The following ZHX2 variants were observed in gnomAD, a reference collection of about 807,000 sequenced individuals.
The protein encoded by ZHX2 is zinc fingers and homeoboxes 2.
ZHX2 carries 6 observed loss-of-function variants against 21.9 expected under a neutral mutation model. The ratio of observed to expected loss-of-function variants is 0.27; its 90% CI spans 0.15 to 0.54. The LOEUF (loss-of-function observed/expected upper bound fraction) is 0.54. ZHX2 is among the 20% of genes least tolerant of loss of function. The pLI is 0.95. For synonymous variants in ZHX2, 434 were observed against 437.1 expected (o/e 0.99, Z 0.09); for missense variants, 908 against 1,090.7 (o/e 0.83, Z 2.36).
intron 2 of ZHX2, among the ~76,000 whole-genome samples, chr8:122,950,299 C>T (rs1422065799): frequency 6.6e-6 from 1 of 152,128 alleles, no homozygotes; most frequent in Non-Finnish European, 1.5e-5. Flanking sequence ...TGGAAGCCAT[C>T]ATTCTCAGCA....
chr8:122,843,379 G>A (rs74973702), intron 1 of ZHX2, among the ~76,000 whole-genome samples: 3,080 of 152,240 alleles, frequency 0.02, 94 homozygotes, highest in African/African-American at 0.07. Context: ...CTTGTCATCC[G>A]AGCCATGAGT....
At chr8:122,843,991 A>ACACACAC (rs1818696584) in intron 1 of ZHX2, among the ~76,000 whole-genome samples, 1 of 144,366 alleles carries the variant, frequency 6.9e-6, no homozygotes, top group Non-Finnish European at 1.5e-5. Context: ...ACACACACAC[A>ACACACAC]TCATGCTTCT....
At chr8:122,881,819 G>A (rs548255662) in intron 2 of ZHX2, among the ~76,000 whole-genome samples, 1 of 152,116 alleles carries the variant, frequency 6.6e-6, no homozygotes, top group Non-Finnish European at 1.5e-5. Context: ...AGGGGCTTCT[G>A]TTCCATCCCT....
chr8:122,811,939 T>C (rs572595836), intron 1 of ZHX2: 1 of 152,306 alleles, frequency 6.6e-6, no homozygotes, highest in African/African-American at 2.4e-5. Context: ...GGCTCTTGGG[T>C]TCAAAACAGA....
At chr8:122,902,362 G>T (rs992019785) in intron 2 of ZHX2, among the ~76,000 whole-genome samples, 14 of 152,206 alleles carry the variant, frequency 9.2e-5, no homozygotes, top group Non-Finnish European at 1.6e-4. Flanking sequence ...ACATTGCCTG[G>T]GTTCAAATCC....
At chr8:122,910,646 G>C (rs923163169) in intron 2 of ZHX2, among the ~76,000 whole-genome samples, 1 of 152,076 alleles carries the variant, frequency 6.6e-6, no homozygotes, top group Admixed American at 6.5e-5. Context: ...CCTCAGGCAC[G>C]GGGTTACTGG....
chr8:122,888,576 G>T (rs1819902286), intron 2 of ZHX2, among the ~76,000 whole-genome samples: 1 of 152,068 alleles, frequency 6.6e-6, no homozygotes, highest in Non-Finnish European at 1.5e-5. Context: ...CCGCCTCCCG[G>T]GTTCAAAACG....
At position 122,789,967 on chromosome 8, in the gene ZHX2, C is replaced by T. The variant is rs556101860; in HGVS notation, c.-283+8021C>T. Among the ~76,000 whole-genome samples the T allele has an allele frequency of 4.8e-3, 731 of 152,308 alleles. 7 individuals carry two copies. Among genetic ancestry groups the T allele is most frequent in the African/African-American group, 0.013 (556 of 41,562 alleles). On this transcript the variant is annotated intron_variant, in intron 1 of 3. Coordinates refer to ENST00000314393, the MANE Select transcript of ZHX2 (RefSeq NM_014943.5). ...CAGGGCTCTTGGGCAGAAAGAGCCA[C>T]AGAACGGAAACGGTCTTGATCACTT...
chr8:122,797,639 C>T (rs1817637582), intron 1 of ZHX2, among the ~76,000 whole-genome samples: 2 of 152,138 alleles, frequency 1.3e-5, no homozygotes, highest in South Asian at 4.1e-4. Flanking sequence ...CCGTCTTTGA[C>T]GCTAAGGACC....
At position 122,930,424 on chromosome 8, in the gene ZHX2, A is replaced by T. The variant is rs188028160; in HGVS notation, c.-219-20868A>T. On this transcript the variant is annotated intron_variant, in intron 2 of 3. Coordinates refer to ENST00000314393, the MANE Select transcript of ZHX2 (RefSeq NM_014943.5). ...ACAGGTTCTTTCTGAAGTGTAAATT[A>T]AAAATCATGCCTTTTTAGAACCCTT... Among the ~76,000 whole-genome samples, 10 of 152,338 alleles carry T rather than the reference A, an allele frequency of 6.6e-5. No homozygotes were observed. In the East Asian group the frequency reaches 1.9e-3, roughly 29 times the overall value.
rs758446101 is a variant in ZHX2, at chr8:122,953,490, G to A, written c.1980G>A (p.Gln660=). 1.2e-6 allele frequency: 2 copies of A among 1,614,248 alleles called. No individual in the cohort carries two copies. The highest frequency in any genetic ancestry group is 1.7e-6 in the Non-Finnish European group (2 of 1,180,050). Residue 660 remains glutamine (Q), a synonymous_variant, in exon 3 of 4, where the codon CAG becomes CAA. Coordinates refer to ENST00000314393, the MANE Select transcript of ZHX2 (RefSeq NM_014943.5). This position sits in a 1 kb window ranked among gnomAD's most constrained non-coding sequence, Gnocchi z 4.6. ...TQWPTPQEYD[Q]LAAKTGLVRT... ...GGCCTACTCCCCAGGAGTACGACCA[G>A]TTAGCGGCCAAGACTGGCCTGGTCC...
chr8:122,893,653 A>G (rs1228694834), intron 2 of ZHX2, among the ~76,000 whole-genome samples: 1 of 152,148 alleles, frequency 6.6e-6, no homozygotes, highest in Non-Finnish European at 1.5e-5. Flanking sequence ...TGAATCCTTT[A>G]GCCCCAAGAT....
rs150176291 is a variant in ZHX2 at position 122,967,848 on chromosome 8, G to T, written c.*5-5394G>T. Among the ~76,000 whole-genome samples, 10 of 152,144 alleles carry T rather than the reference G, an allele frequency of 6.6e-5. No individual in the cohort carries two copies. The South Asian group carries it at 1.9e-3, about 28-fold the overall frequency. On this transcript the variant is annotated intron_variant, in intron 3 of 3. Transcript: ENST00000314393. ...GGGGATATAATTCTGCCCTACATTG[G>T]CCAGGATGAGTACTCGGGTTTCTTA...
chr8:122,809,920 G>C (rs1258370414), intron 1 of ZHX2, among the ~76,000 whole-genome samples: 1 of 152,120 alleles, frequency 6.6e-6, no homozygotes, highest in Non-Finnish European at 1.5e-5. Flanking sequence ...GAAGGAGTTA[G>C]AAAAGGGTGA....
At chr8:122,875,552 A>C (rs531543111) in intron 2 of ZHX2, among the ~76,000 whole-genome samples, 46 of 152,254 alleles carry the variant, frequency 3.0e-4, no homozygotes, top group African/African-American at 1.0e-3. Context: ...GGTGACTTTC[A>C]TAAGATTTGT....
intron 1 of ZHX2, among the ~76,000 whole-genome samples, chr8:122,834,329 G>A (rs542613045): frequency 3.3e-5 from 5 of 152,310 alleles, no homozygotes; most frequent in Non-Finnish European, 7.3e-5. Flanking sequence ...GGATGGGGGC[G>A]GTCCTTGCTG....
At chr8:122,824,999 C>T (rs1298667249) in intron 1 of ZHX2, among the ~76,000 whole-genome samples, 4 of 152,222 alleles carry the variant, frequency 2.6e-5, no homozygotes, top group African/African-American at 7.2e-5. Flanking sequence ...TCCTGCCTGG[C>T]TCCTTCATTC....
At chr8:122,965,033 GT>G (rs1292545030) in intron 3 of ZHX2, among the ~76,000 whole-genome samples, 36 of 121,858 alleles carry the variant, frequency 3.0e-4, no homozygotes, top group South Asian at 6.0e-4. Context: ...TCTCTCTTCT[GT>G]TTTTTTTTTT....
chr8:122,839,795 A>G (rs1367942340), intron 1 of ZHX2, among the ~76,000 whole-genome samples: 1 of 152,192 alleles, frequency 6.6e-6, no homozygotes, highest in African/African-American at 2.4e-5. Context: ...CAGAAACTCC[A>G]GCAGTTATAC....
Sources: gnomAD v4.1 joint callset for allele counts (sites outside exome capture counted in the v4.1 genomes callset) on GRCh38, gnomAD v4.1.1 for gene constraint, Gnocchi (gnomAD v3.1) non-coding constraint, MANE v1.5 for transcripts, NCBI Gene and HGNC (gene_info 2026-07-23, HGNC 2026-07-21) for gene names.